The following RNF125 variants were observed in gnomAD, a reference collection of about 807,000 sequenced individuals.
The protein encoded by RNF125 is ring finger protein 125.
In RNF125, 21 loss-of-function variants were observed where a neutral mutation model predicts 26.0. The observed-to-expected ratio is 0.81, with a 90% CI of 0.57 to 1.16. The LOEUF is 1.16. Among genes scored for constraint, RNF125 ranks in the 50% most tolerant of loss-of-function variants. The pLI is 0.00. For missense variants in RNF125, 270 were observed against 299.4 expected, an observed-to-expected ratio of 0.90 and a Z score of 0.72; for synonymous variants, 95 against 109.2, an observed-to-expected ratio of 0.87 and a Z score of 0.81.
At chr18:32,023,823 G>A (rs1457490997) in intron 1 of RNF125, among the ~76,000 whole-genome samples, 2 of 152,140 alleles carry the variant, frequency 1.3e-5, no homozygotes, top group African/African-American at 2.4e-5. Flanking sequence ...TTGGAAGGCC[G>A]ATGCAGGAGG....
intron 4 of RNF125, among the ~76,000 whole-genome samples, chr18:32,059,721 T>A (rs1225934582): frequency 6.6e-6 from 1 of 152,212 alleles, no homozygotes; most frequent in South Asian, 2.1e-4. Context: ...GTTTCTCCAA[T>A]GTTTTCTTTT....
chr18:32,090,437 T>TCC, the RNF125 span, among the ~76,000 whole-genome samples: 1 of 152,190 alleles, frequency 6.6e-6, no homozygotes, highest in Non-Finnish European at 1.5e-5. Flanking sequence ...CCACTGCGCT[T>TCC]GCTGCTAAGG....
intron 1 of RNF125, among the ~76,000 whole-genome samples, chr18:32,033,508 A>AGAGTG: frequency 7.3e-6 from 1 of 137,498 alleles, no homozygotes; most frequent in African/African-American, 2.8e-5. Flanking sequence ...CTGGGCAACA[A>AGAGTG]AGCAAGACTC....
intron 4 of RNF125, among the ~76,000 whole-genome samples, chr18:32,055,960 CAA>C (rs1483004559): frequency 4.4e-5 from 3 of 67,514 alleles, no homozygotes; most frequent in East Asian, 5.4e-4. Context: ...GCCTGGGTAA[CAA>C]GAGTGAAACT....
intron 4 of RNF125, among the ~76,000 whole-genome samples, chr18:32,061,649 T>A (rs1216333302): frequency 6.6e-6 from 1 of 152,206 alleles, no homozygotes; most frequent in Non-Finnish European, 1.5e-5. Context: ...CTGGCCTGGC[T>A]GGCTCATTCT....
intron 4 of RNF125, among the ~76,000 whole-genome samples, chr18:32,062,525 A>T (rs569246495): frequency 1.5e-4 from 23 of 152,354 alleles, no homozygotes; most frequent in African/African-American, 5.5e-4. Flanking sequence ...AATAAGATGT[A>T]AAAATTAGCG....
At chr18:32,039,596 C>G (rs1039812053) in intron 2 of RNF125, among the ~76,000 whole-genome samples, 2 of 152,022 alleles carry the variant, frequency 1.3e-5, no homozygotes, top group African/African-American at 4.8e-5. Flanking sequence ...ACTTTGTCTT[C>G]ACATAAAATT....
rs895631037 is a variant in RNF125, at chr18:32,072,924, G to C, written c.*4540G>C. 1 of 152,176 alleles carries C rather than the reference G, an allele frequency of 6.6e-6. No homozygotes were observed. Among genetic ancestry groups the C allele is most frequent in the Admixed American group, 6.6e-5 (1 of 15,260 alleles). The allele number at this position is 152,176 out of a possible 1,614,324, so 9.4% of individuals were successfully genotyped here. A position where few individuals can be genotyped will look rare whatever the true frequency, so the allele number is the denominator to read the frequency against. On this transcript the variant is annotated 3_prime_UTR_variant, in exon 6 of 6. Transcript: ENST00000217740. The stretch of plus-strand genomic sequence containing the variant: ...AGACCTCCTTACTGTCTTCAGTGAT[G>C]TTTAATTTCATTACTGTTACTGGGT...
intron 1 of RNF125, among the ~76,000 whole-genome samples, chr18:32,032,176 A>G (rs189151806): frequency 1.7e-3 from 252 of 152,304 alleles, no homozygotes; most frequent in African/African-American, 5.9e-3. Context: ...TCCCGGGTTC[A>G]AGTGATTCTC....
intron 4 of RNF125, among the ~76,000 whole-genome samples, chr18:32,062,306 G>T (rs779247544): frequency 2.0e-5 from 3 of 152,116 alleles, no homozygotes; most frequent in South Asian, 2.1e-4. Flanking sequence ...CTATAAGCAG[G>T]TTCCTTCTCC....
chr18:32,038,908 G>A (rs2039188152), intron 2 of RNF125, among the ~76,000 whole-genome samples: 1 of 151,792 alleles, frequency 6.6e-6, no homozygotes, highest in Admixed American at 6.6e-5. Flanking sequence ...TGGGATTACA[G>A]GGGCCCAACA....
At chr18:32,037,005 G>T in intron 1 of RNF125, 111 bp from the exon 2 acceptor site, 1 of 941,194 alleles carries the variant, frequency 1.1e-6, no homozygotes, top group Non-Finnish European at 1.6e-6. Context: ...TGGTAGTATG[G>T]CTCATGGGGT....
the RNF125 span, among the ~76,000 whole-genome samples, chr18:32,084,594 C>T: frequency 6.6e-6 from 1 of 152,112 alleles, no homozygotes; most frequent in Non-Finnish European, 1.5e-5. Flanking sequence ...GGTGGCTGCC[C>T]CACAGCTCCT....
At chr18:32,075,693 CAAAA>C (rs759960735), downstream of RNF125, among the ~76,000 whole-genome samples, 1 of 92,156 alleles carries the variant, frequency 1.1e-5, no homozygotes, top group Admixed American at 1.3e-4. Flanking sequence ...AACTCCATCT[CAAAA>C]AAAAAAAAAA....
intron 2 of RNF125, 90 bp downstream of exon 2, chr18:32,037,359 C>G (rs552409953): frequency 1.2e-5 from 5 of 420,862 alleles, no homozygotes. Context: ...CCCCATGGTA[C>G]GCACCTTTTT....
downstream of RNF125, among the ~76,000 whole-genome samples, chr18:32,075,244 T>C (rs76197443): frequency 9.8e-3 from 1,489 of 152,286 alleles, 24 homozygotes; most frequent in African/African-American, 0.034. Context: ...AACTGGACTC[T>C]GTGCCCACAT....
intron 2 of RNF125, among the ~76,000 whole-genome samples, chr18:32,039,404 A>C (rs1275549214): frequency 6.6e-6 from 1 of 152,064 alleles, no homozygotes; most frequent in Non-Finnish European, 1.5e-5. Context: ...AACAAAAAAG[A>C]GGAGCTGGGG....
downstream of RNF125, among the ~76,000 whole-genome samples, chr18:32,076,882 ATCT>A (rs1395125479): frequency 2.0e-5 from 3 of 152,096 alleles, no homozygotes; most frequent in Admixed American, 2.0e-4. Flanking sequence ...CTCAAATGTC[ATCT>A]TCTCATAAAG....
the RNF125 span, among the ~76,000 whole-genome samples, chr18:32,088,748 CCT>C: frequency 6.6e-6 from 1 of 152,164 alleles, no homozygotes; most frequent in Non-Finnish European, 1.5e-5. Context: ...GATCTGCCTG[CCT>C]CGGCCTCCCA....
Sources: gnomAD v4.1 joint callset for allele counts (sites outside exome capture counted in the v4.1 genomes callset) on GRCh38, gnomAD v4.1.1 for gene constraint, MANE v1.5 for transcripts, NCBI Gene and HGNC (gene_info 2026-07-23, HGNC 2026-07-21) for gene names.